Variants in CAMK2G observed in about 807,000 individuals in gnomAD.
The protein encoded by CAMK2G is calcium/calmodulin dependent protein kinase II gamma, also known as calcium/calmodulin-dependent protein kinase type II subunit gamma.
In CAMK2G, 23 loss-of-function variants were observed where a neutral mutation model predicts 88.7. The ratio of observed to expected loss-of-function variants is 0.26; its 90% CI spans 0.19 to 0.37. The LOEUF (loss-of-function observed/expected upper bound fraction) is 0.37. Among genes scored for constraint, CAMK2G ranks in the 10% least tolerant of loss-of-function variants. CAMK2G has a pLI of 1.00. For synonymous variants in CAMK2G, 263 were observed against 294.8 expected, an observed-to-expected ratio of 0.89 and a Z score of 1.11; for missense variants, 476 against 780.8, an observed-to-expected ratio of 0.61 and a Z score of 4.65.
intron 2 of CAMK2G, among the ~76,000 whole-genome samples, chr10:73,870,208 T>G (rs764813755): frequency 2.0e-5 from 3 of 152,212 alleles, no homozygotes; most frequent in African/African-American, 4.8e-5. Flanking sequence ...AGCTCCTGCA[T>G]CCAAGCCTAT....
At chr10:73,828,321 A>T (rs1360110644) in intron 14 of CAMK2G, among the ~76,000 whole-genome samples, 200 bp from the exon 15 acceptor site, 3 of 152,206 alleles carry the variant, frequency 2.0e-5, no homozygotes, top group Non-Finnish European at 4.4e-5. Context: ...CTGGGAGGGA[A>T]GAACTCTTTT....
intron 3 of CAMK2G, among the ~76,000 whole-genome samples, chr10:73,857,633 G>C (rs2095134115): frequency 6.6e-6 from 1 of 152,218 alleles, no homozygotes; most frequent in South Asian, 2.1e-4. Flanking sequence ...CACAATGCTA[G>C]ACTATGATCG....
At chr10:73,851,749 G>T (rs375187696) in intron 5 of CAMK2G, among the ~76,000 whole-genome samples, 14 of 124,298 alleles carry the variant, frequency 1.1e-4, no homozygotes, top group South Asian at 2.5e-4. Flanking sequence ...GATTTTTTTT[G>T]TGGGGGGGGG....
At chr10:73,857,957 G>A (rs1186950119) in intron 3 of CAMK2G, among the ~76,000 whole-genome samples, 1 of 152,176 alleles carries the variant, frequency 6.6e-6, no homozygotes, top group Non-Finnish European at 1.5e-5. Context: ...AAATACCCGA[G>A]AACATTCCCA....
chr10:73,866,965 G>C (rs1477605625), intron 2 of CAMK2G, among the ~76,000 whole-genome samples: 1 of 152,186 alleles, frequency 6.6e-6, no homozygotes, highest in Non-Finnish European at 1.5e-5. Context: ...TCACTCTAAA[G>C]ATGCAAAGAG....
intron 9 of CAMK2G, 136 bp downstream of exon 9, chr10:73,847,852 C>A: frequency 1.7e-6 from 1 of 600,130 alleles, no homozygotes; most frequent in Non-Finnish European, 3.0e-6. Flanking sequence ...CCTGGATGCC[C>A]ATTCCTGGGT....
Position 73,839,562 on chromosome 10 carries a change from C to T in CAMK2G, c.986G>A (p.Ser329Asn), listed in dbSNP as rs1275073923. ...QSSAPASPAASAAGLAGQAAK... is the reference protein window; with the variant it reads ...QSSAPASPAANAAGLAGQAAK... Reference sequence around the variant, plus strand: ...ACCTTGCCCGGCCAGGCCGGCGGCGCTCGCGGCAGGCGAGGCGGGGGCGGA... The same window carrying T: ...ACCTTGCCCGGCCAGGCCGGCGGCGTTCGCGGCAGGCGAGGCGGGGGCGGA... The change falls in exon 13 of 23, where the codon AGC (serine) becomes AAC (asparagine). Residue 329 changes from serine (S) to asparagine (N), a missense_variant. This residue lies in a region of CAMK2G where 278 missense variants were observed against 366.5 expected (regional missense o/e 0.76). Coordinates refer to ENST00000423381, the MANE Select transcript of CAMK2G (RefSeq NM_001367534.1). The surrounding 1 kb of genome is among the most constrained non-coding windows in gnomAD (Gnocchi z 4.2). 5.7e-6 allele frequency: 7 copies of T among 1,235,012 alleles called. No homozygotes were observed. The highest frequency in any genetic ancestry group is 7.1e-6 in the Non-Finnish European group (7 of 987,984). The allele number at this position is 1,235,012 out of a possible 1,614,324, so 76.5% of individuals were successfully genotyped here.
chr10:73,817,422 G>T, intron 20 of CAMK2G, 57 bp downstream of exon 20: 2 of 1,200,598 alleles, frequency 1.7e-6, no homozygotes, highest in Non-Finnish European at 2.5e-6. Context: ...TTGTCTGGAA[G>T]CAGGGAAGGC....
intron 3 of CAMK2G, among the ~76,000 whole-genome samples, chr10:73,859,687 G>C (rs2095278769): frequency 6.6e-6 from 1 of 152,224 alleles, no homozygotes; most frequent in African/African-American, 2.4e-5. Flanking sequence ...ACACCAATCT[G>C]CTTCGGGTGT....
chr10:73,826,643 G>C (rs1311653088), intron 15 of CAMK2G, among the ~76,000 whole-genome samples: 1 of 152,222 alleles, frequency 6.6e-6, no homozygotes, highest in Non-Finnish European at 1.5e-5. Context: ...GGAGCAGCCT[G>C]ATGCCTGCAA....
chr10:73,868,562 G>T (rs961484888), intron 2 of CAMK2G, among the ~76,000 whole-genome samples: 1 of 152,166 alleles, frequency 6.6e-6, no homozygotes, highest in African/African-American at 2.4e-5. Context: ...ACAGAAATTG[G>T]CCTGTTTTAT....
intron 10 of CAMK2G, among the ~76,000 whole-genome samples, chr10:73,843,104 G>A (rs906575501): frequency 6.7e-6 from 1 of 149,664 alleles, no homozygotes; most frequent in Non-Finnish European, 1.5e-5. Flanking sequence ...ATGGAGTCTC[G>A]CTTTGTCAGT....
chr10:73,858,533 C>T (rs2095206205), intron 3 of CAMK2G, among the ~76,000 whole-genome samples: 1 of 152,206 alleles, frequency 6.6e-6, no homozygotes, highest in African/African-American at 2.4e-5. Flanking sequence ...TCTTGACTCC[C>T]CCTTCCCTCT....
chr10:73,843,114 T>G (rs1311658534), intron 10 of CAMK2G, among the ~76,000 whole-genome samples: 2 of 151,592 alleles, frequency 1.3e-5, no homozygotes, highest in Non-Finnish European at 2.9e-5. Flanking sequence ...GCTTTGTCAG[T>G]CAGGCTGGAG....
chr10:73,817,189 T>A (rs1370723744), intron 20 of CAMK2G, 72 bp from the exon 21 acceptor site: 2 of 1,539,078 alleles, frequency 1.3e-6, no homozygotes, highest in East Asian at 4.5e-5. Flanking sequence ...TTATCAGCGG[T>A]GTCTATCCAG....
At chr10:73,851,094 C>T (rs2094579809) in intron 5 of CAMK2G, among the ~76,000 whole-genome samples, 1 of 152,240 alleles carries the variant, frequency 6.6e-6, no homozygotes, top group Non-Finnish European at 1.5e-5. Context: ...TTCATCTCCC[C>T]ACTTGAGAAT....
Position 73,821,666 on chromosome 10 carries a change from A to G in CAMK2G, c.1249+16T>C. 6.2e-7 allele frequency: 1 copy of G among 1,605,826 alleles called. No individual in the cohort carries two copies. Among genetic ancestry groups the G allele is most frequent in the Non-Finnish European group, 8.5e-7 (1 of 1,175,302 alleles). On this transcript the variant is annotated intron_variant, in intron 18 of 22. Coordinates refer to ENST00000423381, the MANE Select transcript of CAMK2G (RefSeq NM_001367534.1). ...TCACTGCTGGAGTCCTTCCCCCTCC[A>G]AGGGCCAGCACCTACCTTTGAGGTC...
chr10:73,836,023 G>A (rs768267122), intron 14 of CAMK2G, among the ~76,000 whole-genome samples: 4 of 151,722 alleles, frequency 2.6e-5, no homozygotes, highest in Admixed American at 2.0e-4. Flanking sequence ...TTGTAGAGAC[G>A]GAGTTTCACC....
At chr10:73,816,848 A>C (rs764357415) in intron 21 of CAMK2G, 175 bp downstream of exon 21, 2 of 1,584,664 alleles carry the variant, frequency 1.3e-6, no homozygotes, top group Non-Finnish European at 1.7e-6. Flanking sequence ...CAGGGCCTTC[A>C]AAGGTGCCTG....
Sources: allele counts gnomAD v4.1 joint callset (sites outside exome capture counted in the v4.1 genomes callset), GRCh38; gene constraint gnomAD v4.1.1; regional missense constraint gnomAD v4.1.1; non-coding constraint Gnocchi (gnomAD v3.1); transcripts MANE v1.5; gene names NCBI Gene and HGNC (gene_info 2026-07-23, HGNC 2026-07-21).